The following MAP6 variants were observed in gnomAD, a reference collection of about 807,000 sequenced individuals.
MAP6 encodes the protein microtubule associated protein 6.
MAP6 carries 26 observed loss-of-function variants against 42.4 expected under a neutral mutation model. That is an observed-to-expected ratio of 0.61 (90% CI 0.45 to 0.85). MAP6 has a LOEUF of 0.85. MAP6 is among the 40% of genes least tolerant of loss of function. The pLI is 0.00. For synonymous variants in MAP6, 418 were observed against 443.8 expected (o/e 0.94, Z 0.73); for missense variants, 966 against 1,099.0 (o/e 0.88, Z 1.71).
intron 1 of MAP6, among the ~76,000 whole-genome samples, chr11:75,620,335 G>A (rs1943085705): frequency 1.3e-5 from 2 of 152,052 alleles, no homozygotes; most frequent in South Asian, 4.1e-4. Context: ...GCTGGGTGTT[G>A]TGGCTCATGC....
At chr11:75,656,123 A>C (rs1358952525) in intron 1 of MAP6, among the ~76,000 whole-genome samples, 1 of 152,186 alleles carries the variant, frequency 6.6e-6, no homozygotes, top group Non-Finnish European at 1.5e-5. Context: ...AACAATCCTT[A>C]AGGGCTAGGA....
intron 3 of MAP6, chr11:75,604,692 C>A: frequency 1.0e-6 from 1 of 985,372 alleles, no homozygotes; most frequent in Non-Finnish European, 1.2e-6. Flanking sequence ...TTTGGCCACA[C>A]ACACACACGA....
intron 3 of MAP6, chr11:75,603,619 G>A: frequency 1.0e-6 from 1 of 982,922 alleles, no homozygotes; most frequent in African/African-American, 1.8e-5. Flanking sequence ...GGGGAAGCCT[G>A]TGGGACCCTT....
chr11:75,617,067 A>C (rs565672105), intron 1 of MAP6, among the ~76,000 whole-genome samples: 2 of 152,282 alleles, frequency 1.3e-5, no homozygotes, highest in South Asian at 4.1e-4. Context: ...GTACTAGGTA[A>C]ATGGCTCATT....
rs150356332 is a variant in MAP6 at position 75,600,775 on chromosome 11, C to T, written c.1316+5033G>A. Among the ~76,000 whole-genome samples the T allele has an allele frequency of 3.6e-3, 552 of 152,288 alleles. 3 individuals carry two copies. The highest frequency in any genetic ancestry group is 6.3e-3 in the Non-Finnish European group (430 of 68,034). ...ACCACAGTGACACACTAAAGGAGTC[C>T]ATAGCCTTTGTGAAATGGGACTTGA... On this transcript the variant is annotated intron_variant, in intron 3 of 3. Coordinates refer to ENST00000304771, the MANE Select transcript of MAP6 (RefSeq NM_033063.2).
At chr11:75,648,901 C>A (rs1362426502) in intron 1 of MAP6, among the ~76,000 whole-genome samples, 2 of 152,026 alleles carry the variant, frequency 1.3e-5, no homozygotes, top group African/African-American at 2.4e-5. Context: ...ATGAAGTTGG[C>A]AAAAATTTTT....
Position 75,622,682 on chromosome 11 carries a change from T to C in MAP6, c.906-14360A>G, listed in dbSNP as rs77868571. The stretch of plus-strand genomic sequence containing the variant: ...AAGATCTAGAATTGCCAAAACAATT[T>C]TGAATAGGAGAAACAAAGTATGAGG... On this transcript the variant is annotated intron_variant, in intron 1 of 3. Coordinates refer to ENST00000304771, the MANE Select transcript of MAP6 (RefSeq NM_033063.2). Among the ~76,000 whole-genome samples the C allele has an allele frequency of 3.5e-3, 527 of 152,332 alleles. 2 individuals are homozygous for C. Among genetic ancestry groups the C allele is most frequent in the African/African-American group, 0.012 (503 of 41,574 alleles).
At position 75,628,210 on chromosome 11, in the gene MAP6, A is replaced by G. The variant is rs60355685; in HGVS notation, c.906-19888T>C. ...TGTTTTCCTGGAGCAGATGGGGTCA[A>G]GAGGGCCAGCTGAAGTGGCAAACAG... On this transcript the variant is annotated intron_variant, in intron 1 of 3. Transcript: ENST00000304771. Among the ~76,000 whole-genome samples, 480 of 152,322 alleles carry G rather than the reference A, an allele frequency of 3.2e-3. 2 individuals carry two copies. Among genetic ancestry groups the G allele is most frequent in the African/African-American group, 0.011 (466 of 41,560 alleles).
chr11:75,654,519 G>A (rs1943703392), intron 1 of MAP6, among the ~76,000 whole-genome samples: 2 of 152,038 alleles, frequency 1.3e-5, no homozygotes, highest in African/African-American at 4.8e-5. Flanking sequence ...CTATACTTTC[G>A]AAAAATATGC....
intron 1 of MAP6, among the ~76,000 whole-genome samples, chr11:75,655,212 T>C (rs1481414840): frequency 6.6e-6 from 1 of 152,222 alleles, no homozygotes; most frequent in Non-Finnish European, 1.5e-5. Flanking sequence ...CACTGCATTA[T>C]TATTATGGAA....
rs992519948 is a variant in MAP6, at chr11:75,669,002, T to G, written c.-633A>C. ...CTCGGTCTCCGCCGCTGCCCGCGAA[T>G]GATGCTGCAGCCGCTGCCGCCGCCG... On this transcript the variant is annotated 5_prime_UTR_variant, in exon 1 of 4. Transcript: ENST00000304771. 1 of 168,976 alleles carries G rather than the reference T, an allele frequency of 5.9e-6. No homozygotes were observed. Among genetic ancestry groups the G allele is most frequent in the Non-Finnish European group, 1.3e-5 (1 of 78,434 alleles). 10.5% of individuals were successfully genotyped at this position (168,976 alleles called of 1,614,324 possible).
intron 1 of MAP6, among the ~76,000 whole-genome samples, chr11:75,609,137 T>C (rs1942838982): frequency 6.6e-6 from 1 of 152,196 alleles, no homozygotes; most frequent in Non-Finnish European, 1.5e-5. Flanking sequence ...ATCCATCTCG[T>C]GGTTTCTAAT....
intron 1 of MAP6, among the ~76,000 whole-genome samples, chr11:75,626,253 T>C (rs1405354042): frequency 1.3e-5 from 2 of 152,220 alleles, no homozygotes; most frequent in Admixed American, 6.5e-5. Flanking sequence ...TGAATATGAC[T>C]GCATAAGAAT....
In MAP6 at chr11:75,588,187, G is replaced by T; in HGVS notation, c.1317-3C>A. 1 of 1,608,930 alleles carries T rather than the reference G, an allele frequency of 6.2e-7. No homozygotes were observed. On this transcript the variant is annotated splice_polypyrimidine_tract_variant and splice_region_variant and intron_variant, in intron 3 of 3. Transcript: ENST00000304771. ...CACTGACGGGTTGAGCCAGGCTCCT[G>T]CAAAGGAGAGAGAGGTGATCACTGT...
intron 1 of MAP6, chr11:75,635,898 TATA>T (rs1444645250): frequency 6.6e-6 from 1 of 152,246 alleles, no homozygotes; most frequent in Admixed American, 6.5e-5. Context: ...ACAGTTGTTT[TATA>T]ATAAGTACAC....
intron 3 of MAP6, among the ~76,000 whole-genome samples, chr11:75,597,809 A>G (rs1370910790): frequency 2.6e-5 from 4 of 152,202 alleles, no homozygotes; most frequent in Admixed American, 2.6e-4. Flanking sequence ...GGGGGACGGG[A>G]AGAGGCAGCA....
In MAP6 at chr11:75,667,533, G is replaced by A. The variant is rs757892868; in HGVS notation, c.837C>T (p.Arg279=). ...GCCGGTTGAGGGCGTCCGCCGCGGC[G>A]CGCCCCCTGCCAGCCTCGGGGCCGG... ...QATGPEAGRG[R]AAADALNRQI... The change falls in exon 1 of 4, where the codon CGC becomes CGT. Residue 279 remains arginine, a synonymous_variant. Coordinates refer to ENST00000304771, the MANE Select transcript of MAP6 (RefSeq NM_033063.2). The surrounding 1 kb of genome is among the most constrained non-coding windows in gnomAD (Gnocchi z 5.6). 1.3e-6 allele frequency: 2 copies of A among 1,494,886 alleles called. No homozygotes were observed. Among genetic ancestry groups the A allele is most frequent in the East Asian group, 5.8e-5 (2 of 34,712 alleles). 92.6% of individuals were successfully genotyped at this position (1,494,886 alleles called of 1,614,324 possible).
At chr11:75,634,078 C>T (rs546131904) in intron 1 of MAP6, among the ~76,000 whole-genome samples, 28 of 152,146 alleles carry the variant, frequency 1.8e-4, no homozygotes, top group Middle Eastern at 6.8e-3. Flanking sequence ...ACGGGGTGGG[C>T]GACAGTAGCT....
At chr11:75,665,585 C>T (rs992978569) in intron 1 of MAP6, among the ~76,000 whole-genome samples, 7 of 152,154 alleles carry the variant, frequency 4.6e-5, no homozygotes, top group Non-Finnish European at 1.0e-4. Flanking sequence ...TTGGGCCAGA[C>T]GTGGGCTTCT....
Sources: gnomAD v4.1 joint callset for allele counts (sites outside exome capture counted in the v4.1 genomes callset) on GRCh38, gnomAD v4.1.1 for gene constraint, Gnocchi (gnomAD v3.1) non-coding constraint, MANE v1.5 for transcripts, NCBI Gene and HGNC (gene_info 2026-07-23, HGNC 2026-07-21) for gene names.